Variants in CACNA1S observed in about 807,000 individuals in gnomAD.
CACNA1S encodes the protein calcium voltage-gated channel subunit alpha1 S, also known as voltage-dependent L-type calcium channel subunit alpha-1S.
CACNA1S carries 126 observed loss-of-function variants against 207.4 expected under a neutral mutation model. That is an observed-to-expected ratio of 0.61 (90% CI 0.53 to 0.70). CACNA1S has a LOEUF of 0.70. Ranked by LOEUF, CACNA1S falls within the 30% of genes least tolerant of loss-of-function variation. CACNA1S has a pLI of 0.00. For synonymous variants in CACNA1S, 960 were observed against 932.7 expected (o/e 1.03, Z -0.53); for missense variants, 2,349 against 2,422.8 (o/e 0.97, Z 0.64).
At chr1:201,055,973 C>T (rs191825821) in intron 28 of CACNA1S, among the ~76,000 whole-genome samples, 1 of 152,190 alleles carries the variant, frequency 6.6e-6, no homozygotes, top group African/African-American at 2.4e-5. Flanking sequence ...AGAAGTGCTG[C>T]TGTCAAACCA....
intron 2 of CACNA1S, among the ~76,000 whole-genome samples, chr1:201,103,621 A>G (rs186086740): frequency 6.6e-6 from 1 of 152,144 alleles, no homozygotes; most frequent in African/African-American, 2.4e-5. Context: ...TCATTTCCAC[A>G]GACCCTTTTG....
At chr1:201,103,626 C>G (rs1662761598) in intron 2 of CACNA1S, among the ~76,000 whole-genome samples, 1 of 152,158 alleles carries the variant, frequency 6.6e-6, no homozygotes, top group Non-Finnish European at 1.5e-5. Flanking sequence ...TCCACAGACC[C>G]TTTTGGAGCA....
chr1:201,069,725 T>A, intron 17 of CACNA1S, 124 bp from the exon 18 acceptor site: 3 of 1,179,614 alleles, frequency 2.5e-6, no homozygotes, highest in South Asian at 2.8e-5. Flanking sequence ...AGGAGAGAAG[T>A]GCAGCCCTGC....
At chr1:201,098,666 G>A (rs1309178801) in intron 2 of CACNA1S, among the ~76,000 whole-genome samples, 1 of 152,178 alleles carries the variant, frequency 6.6e-6, no homozygotes, top group East Asian at 1.9e-4. Context: ...CGAACCAGGT[G>A]CAGCCTTGGG....
intron 33 of CACNA1S, 25 bp downstream of exon 33, chr1:201,050,959 G>C: frequency 6.2e-7 from 1 of 1,613,232 alleles, no homozygotes; most frequent in Non-Finnish European, 8.5e-7. Context: ...CCCTCTCCCT[G>C]CCCCGCAGGC....
chr1:201,042,796 G>A (rs1660314077), intron 40 of CACNA1S: 3 of 177,416 alleles, frequency 1.7e-5, no homozygotes, highest in South Asian at 2.4e-4. Flanking sequence ...TTGCTGAGAA[G>A]TTCTCCCCCT....
intron 34 of CACNA1S, 55 bp downstream of exon 34, chr1:201,050,334 G>C: frequency 6.3e-7 from 1 of 1,599,778 alleles, no homozygotes; most frequent in Non-Finnish European, 8.6e-7. Context: ...CCTGTGAGAC[G>C]GTAGGAAGGG....
At chr1:201,087,116 G>T (rs1662060833) in intron 7 of CACNA1S, among the ~76,000 whole-genome samples, 1 of 152,148 alleles carries the variant, frequency 6.6e-6, no homozygotes, top group Admixed American at 6.5e-5. Flanking sequence ...ATGACAGCAG[G>T]ACTGGTCTCA....
At position 201,053,566 on chromosome 1, in the gene CACNA1S, T is replaced by C. The variant is rs1265187841; in HGVS notation, c.3688A>G (p.Ile1230Val). ...AACAGGCGGAAGAAGGCGCTGGAGA[T>C]GCGGGCACTCTCATCTGGGTCCTGC... Reference protein sequence around the residue: ...GNVDPDESARISSAFFRLFRV... With the variant: ...GNVDPDESARVSSAFFRLFRV... Residue 1230 changes from isoleucine (I) to valine (V), a missense_variant, in exon 30 of 44, where the codon ATC becomes GTC. By Grantham distance (29) the Ile-to-Val change is conservative (BLOSUM62 3). Coordinates refer to ENST00000362061, the MANE Select transcript of CACNA1S (RefSeq NM_000069.3). This position sits in a 1 kb window ranked among gnomAD's most constrained non-coding sequence, Gnocchi z 5.1. 4.3e-6 allele frequency: 7 copies of C among 1,609,208 alleles called. No individual in the cohort carries two copies. Among genetic ancestry groups the C allele is most frequent in the Middle Eastern group, 1.7e-4 (1 of 6,036 alleles).
In CACNA1S at chr1:201,078,231, T is replaced by C. The variant is rs1362369829; in HGVS notation, c.1394-127A>G. On this transcript the variant is annotated intron_variant, in intron 10 of 43. Coordinates refer to ENST00000362061, the MANE Select transcript of CACNA1S (RefSeq NM_000069.3). Reference sequence around the variant, plus strand: ...GTTTCCAAGGCACCATGGATGTTTTTTGGGGGTGCAGGGGGCAGGGCCTCA... The same window carrying C: ...GTTTCCAAGGCACCATGGATGTTTTCTGGGGGTGCAGGGGGCAGGGCCTCA... The C allele has an allele frequency of 8.8e-6, 7 of 791,656 alleles. No individual in the cohort carries two copies. The Admixed American group carries it at 9.8e-5, about 11-fold the overall frequency. 49.0% of individuals were successfully genotyped at this position (791,656 alleles called of 1,614,324 possible). A position where few individuals can be genotyped will look rare whatever the true frequency, so the allele number is the denominator to read the frequency against.
chr1:201,108,800 C>A (rs1305111953), intron 2 of CACNA1S, among the ~76,000 whole-genome samples: 2 of 152,176 alleles, frequency 1.3e-5, no homozygotes, highest in Non-Finnish European at 2.9e-5. Context: ...TCCTCCCTCC[C>A]AGGCCCTGCA....
At chr1:201,040,494 G>A (rs1660121560) in intron 42 of CACNA1S, 120 bp from the exon 43 acceptor site, 2 of 1,432,094 alleles carry the variant, frequency 1.4e-6, no homozygotes, top group Non-Finnish European at 1.9e-6. Flanking sequence ...AGGATGGAGG[G>A]ATCCCGTCCC....
At chr1:201,073,287 C>A (rs1661483917) in intron 15 of CACNA1S, among the ~76,000 whole-genome samples, 1 of 152,170 alleles carries the variant, frequency 6.6e-6, no homozygotes, top group Non-Finnish European at 1.5e-5. Flanking sequence ...AGAGGAAATA[C>A]CTCCTTGGTC....
At chr1:201,106,947 A>C (rs1662917046) in intron 2 of CACNA1S, among the ~76,000 whole-genome samples, 2 of 152,192 alleles carry the variant, frequency 1.3e-5, no homozygotes, top group Admixed American at 1.3e-4. Flanking sequence ...GGTAGAGACA[A>C]CCAGAGCCAT....
chr1:201,062,966 C>A (rs1236195801), intron 22 of CACNA1S, among the ~76,000 whole-genome samples: 1 of 152,214 alleles, frequency 6.6e-6, no homozygotes, highest in Non-Finnish European at 1.5e-5. Flanking sequence ...CCACCTCCCA[C>A]CTCCATCCTC....
intron 40 of CACNA1S, 58 bp from the exon 41 acceptor site, chr1:201,041,647 C>A: frequency 7.9e-7 from 1 of 1,268,718 alleles, no homozygotes; most frequent in East Asian, 2.3e-5. Context: ...CTCGGCATCC[C>A]TGCCTCTCTG....
At chr1:201,081,404 G>A (rs567689861) in intron 10 of CACNA1S, among the ~76,000 whole-genome samples, 2 of 152,304 alleles carry the variant, frequency 1.3e-5, no homozygotes, top group East Asian at 1.9e-4. Context: ...TTTGTCCACC[G>A]TGTTGTTGGA....
intron 2 of CACNA1S, among the ~76,000 whole-genome samples, chr1:201,106,885 G>T (rs1662914084): frequency 1.3e-5 from 2 of 152,228 alleles, no homozygotes; most frequent in African/African-American, 4.8e-5. Context: ...GGGCCTTGGA[G>T]GCTCAACCTC....
intron 14 of CACNA1S, 54 bp from the exon 15 acceptor site, chr1:201,073,696 C>T (rs1661500672): frequency 7.3e-7 from 1 of 1,370,786 alleles, no homozygotes; most frequent in South Asian, 1.2e-5. Context: ...CAGGGATCTG[C>T]TGAACCTGAC....
Sources: gnomAD v4.1 joint callset for allele counts (sites outside exome capture counted in the v4.1 genomes callset) on GRCh38, gnomAD v4.1.1 for gene constraint, Gnocchi (gnomAD v3.1) non-coding constraint, MANE v1.5 for transcripts, NCBI Gene and HGNC (gene_info 2026-07-23, HGNC 2026-07-21) for gene names.